Variants in IARS1 observed in about 807,000 individuals in gnomAD.
IARS1 encodes isoleucyl-tRNA synthetase 1.
Under a neutral mutation model 168.2 loss-of-function variants are expected in IARS1, and 124 were observed. The ratio of observed to expected loss-of-function variants is 0.74; its 90% CI spans 0.64 to 0.86. The LOEUF is 0.86. IARS1 is among the 40% of genes least tolerant of loss of function. IARS1 has a pLI of 0.00. For synonymous variants in IARS1, 532 were observed against 529.4 expected (o/e 1.00, Z -0.07); for missense variants, 1,452 against 1,515.8 (o/e 0.96, Z 0.70).
chr9:92,219,299 T>C (rs1298915473), intron 33 of IARS1, among the ~76,000 whole-genome samples: 4 of 152,058 alleles, frequency 2.6e-5, no homozygotes, highest in Non-Finnish European at 5.9e-5. Context: ...ACATTAGACC[T>C]AAAACCATAA....
intron 1 of IARS1, 100 bp from the exon 2 acceptor site, chr9:92,289,526 TA>T: frequency 1.5e-6 from 1 of 673,384 alleles, no homozygotes; most frequent in South Asian, 1.6e-5. Context: ...TCCATACTTT[TA>T]AAAAATTACA....
chr9:92,247,067 G>A (rs2133662343), intron 26 of IARS1, among the ~76,000 whole-genome samples: 1 of 152,192 alleles, frequency 6.6e-6, no homozygotes, highest in East Asian at 1.9e-4. Context: ...GGTACTACGT[G>A]CCTGTAATCC....
At chr9:92,268,968 T>C (rs1832667340) in intron 13 of IARS1, among the ~76,000 whole-genome samples, 1 of 152,166 alleles carries the variant, frequency 6.6e-6, no homozygotes, top group South Asian at 2.1e-4. Context: ...CAGGGTAGGC[T>C]ACCAGACCTC....
Position 92,286,614 on chromosome 9 carries a change from G to C in IARS1, c.401C>G (p.Thr134Ser). The change falls in exon 5 of 34, where the codon ACT becomes AGT. Residue 134 changes from threonine to serine, a missense_variant. Physicochemically the swap from Thr to Ser is moderately conservative, Grantham distance 58. Transcript: ENST00000443024. ...AATCCATCGGCCAAGTCTGCTAACA[G>C]TAGACTTTAAAATATTAATATTAGA... The part of the protein sequence containing the change: ...VMRYSAEWKS[T>S]VSRLGRWIDF... 6.5e-7 allele frequency: 1 copy of C among 1,529,454 alleles called. No homozygotes were observed. The highest frequency in any genetic ancestry group is 9.1e-7 in the Non-Finnish European group (1 of 1,103,682). The allele number at this position is 1,529,454 out of a possible 1,614,324, so 94.7% of individuals were successfully genotyped here.
intron 31 of IARS1, among the ~76,000 whole-genome samples, chr9:92,225,692 C>T (rs1825567676): frequency 6.6e-6 from 1 of 151,786 alleles, no homozygotes; most frequent in Admixed American, 6.6e-5. Flanking sequence ...CATCCTGTGT[C>T]AATGCAGCTA....
intron 30 of IARS1, among the ~76,000 whole-genome samples, chr9:92,233,610 C>G (rs1449411380): frequency 1.3e-5 from 2 of 152,206 alleles, no homozygotes; most frequent in African/African-American, 2.4e-5. Context: ...GGAGGACACA[C>G]TCAAACCACA....
rs1463641697 is a variant in IARS1 at position 92,286,443 on chromosome 9, CA to C, written c.479+92del. ...ATTTTCAGAGAAATAACGATGGACT[CA>C]AAAATAAACTGATTCATGCTAGTGC... On this transcript the variant is annotated intron_variant, in intron 5 of 33. Coordinates refer to ENST00000443024, the MANE Select transcript of IARS1 (RefSeq NM_002161.6). The C allele has an allele frequency of 7.5e-6, 5 of 669,710 alleles. No individual in the cohort carries two copies. The Admixed American group carries it at 1.1e-4, about 15-fold the overall frequency. 41.5% of individuals were successfully genotyped at this position (669,710 alleles called of 1,614,324 possible).
chr9:92,280,166 T>C (rs1482808747), intron 7 of IARS1, among the ~76,000 whole-genome samples: 1 of 152,214 alleles, frequency 6.6e-6, no homozygotes, highest in Non-Finnish European at 1.5e-5. Flanking sequence ...AGAAGTGAAA[T>C]TGCTGGGCCA....
chr9:92,277,903 T>G lies in IARS1; in HGVS notation c.854A>C (p.Lys285Thr). ...AAACAGGGGCCTGTACTTCTTGCCT[T>G]TAAGATAGGCACCAGGAAATCTAGA... ...ILERFPGAYL[K>T]GKKYRPLFDY... The change falls in exon 9 of 34, where the codon AAA (lysine) becomes ACA (threonine). Residue 285 changes from lysine (K) to threonine (T), a missense_variant. Lys to Thr is a moderately conservative substitution (Grantham distance 78). Coordinates refer to ENST00000443024, the MANE Select transcript of IARS1 (RefSeq NM_002161.6). 2 of 1,613,878 alleles carry G rather than the reference T, an allele frequency of 1.2e-6. No individual in the cohort carries two copies. Among genetic ancestry groups the G allele is most frequent in the Non-Finnish European group, 1.7e-6 (2 of 1,179,892 alleles).
At chr9:92,272,520 C>A (rs1191484756) in intron 10 of IARS1, among the ~76,000 whole-genome samples, 1 of 152,226 alleles carries the variant, frequency 6.6e-6, no homozygotes, top group Admixed American at 6.5e-5. Flanking sequence ...CTACCCTTGC[C>A]TGGTGAAGAC....
chr9:92,229,187 A>G (rs772380015), intron 30 of IARS1, 61 bp from the exon 31 acceptor site: 2 of 1,573,386 alleles, frequency 1.3e-6, no homozygotes, highest in Non-Finnish European at 1.7e-6. Flanking sequence ...AAAATGTTAC[A>G]TTTGGAGGAA....
chr9:92,279,661 A>C (rs1250558173), intron 7 of IARS1, among the ~76,000 whole-genome samples: 3 of 152,234 alleles, frequency 2.0e-5, no homozygotes. Context: ...TAATACAACT[A>C]TTTTTAAAAA....
chr9:92,259,021 A>G (rs1831147080), intron 18 of IARS1, 23 bp from the exon 19 acceptor site: 1 of 1,580,068 alleles, frequency 6.3e-7, no homozygotes, highest in Admixed American at 1.9e-5. Context: ...GAAAAATTAG[A>G]CAGAAAAGGT....
intron 13 of IARS1, 108 bp from the exon 14 acceptor site, chr9:92,268,408 T>C (rs2295939): frequency 0.12 from 131,331 of 1,071,634 alleles, 8,982 homozygotes; most frequent in South Asian, 0.21. Context: ...CCAAACACTC[T>C]GGAAACGTGG....
Position 92,269,925 on chromosome 9 carries a change from T to G in IARS1, c.1264A>C (p.Met422Leu). The change falls in exon 13 of 34, where the codon ATG (methionine) becomes CTG (leucine). Residue 422 changes from methionine (M) to leucine (L), a missense_variant. By Grantham distance (15) the Met-to-Leu change is conservative (BLOSUM62 2). Coordinates refer to ENST00000443024, the MANE Select transcript of IARS1 (RefSeq NM_002161.6). ...VPSWFVRVEN[M>L]VDQLLRNNDL... The stretch of plus-strand genomic sequence containing the variant: ...TTGTTCCTTAGGAGCTGGTCCACCA[T>G]GTTCTCCACTCGCACAAACCAGCTG... The G allele has an allele frequency of 6.2e-7, 1 of 1,613,814 alleles. No homozygotes were observed.
At position 92,210,898 on chromosome 9, in the gene IARS1, G is replaced by C. The variant is rs754395750; in HGVS notation, c.3707-9C>G. On this transcript the variant is annotated splice_polypyrimidine_tract_variant and intron_variant, in intron 33 of 33. Transcript: ENST00000443024. ...GATGTCTTCTGTAATTTCTAGAATGGAAAGAAAAAGTTGAAAAAAAATCAG... is the reference window on the plus strand; with the variant it reads ...GATGTCTTCTGTAATTTCTAGAATGCAAAGAAAAAGTTGAAAAAAAATCAG... The C allele has an allele frequency of 6.4e-7, 1 of 1,561,454 alleles. No individual in the cohort carries two copies.
At chr9:92,278,357 A>G in intron 7 of IARS1, 71 bp from the exon 8 acceptor site, 4 of 1,044,006 alleles carry the variant, frequency 3.8e-6, no homozygotes, top group Non-Finnish European at 6.0e-6. Flanking sequence ...ACATGCATCA[A>G]GCATACTTTT....
At chr9:92,256,988 AATTT>A (rs1361808889) in intron 19 of IARS1, among the ~76,000 whole-genome samples, 188 bp from the exon 20 acceptor site, 3 of 151,844 alleles carry the variant, frequency 2.0e-5, no homozygotes, top group Non-Finnish European at 4.4e-5. Context: ...GTCCTCAATT[AATTT>A]ATTATGTTTT....
At chr9:92,226,599 G>A (rs1825722805) in intron 31 of IARS1, among the ~76,000 whole-genome samples, 1 of 152,182 alleles carries the variant, frequency 6.6e-6, no homozygotes, top group Non-Finnish European at 1.5e-5. Context: ...TCAAAGTTCT[G>A]GAGGTCAGAA....
Sources: allele counts gnomAD v4.1 joint callset (sites outside exome capture counted in the v4.1 genomes callset), GRCh38; gene constraint gnomAD v4.1.1; transcripts MANE v1.5; gene names NCBI Gene and HGNC (gene_info 2026-07-23, HGNC 2026-07-21).